The following GRID1 variants were observed in gnomAD, a reference collection of about 807,000 sequenced individuals.
GRID1 encodes the protein glutamate receptor ionotropic, delta-1.
Under a neutral mutation model 98.0 loss-of-function variants are expected in GRID1, and 28 were observed. The ratio of observed to expected loss-of-function variants is 0.29; its 90% CI spans 0.21 to 0.39. GRID1 has a LOEUF of 0.39. Among genes scored for constraint, GRID1 ranks in the 10% least tolerant of loss-of-function variants. The probability of loss-of-function intolerance (pLI) is 1.00; values close to 1 mark genes in which losing one functional copy is unlikely to be tolerated. For synonymous variants in GRID1, 553 were observed against 538.5 expected (o/e 1.03, Z -0.37); for missense variants, 1,111 against 1,340.5 (o/e 0.83, Z 2.67).
At chr10:86,252,408 A>G (rs2132049898) in intron 2 of GRID1, among the ~76,000 whole-genome samples, 1 of 152,370 alleles carries the variant, frequency 6.6e-6, no homozygotes, top group East Asian at 1.9e-4. Context: ...CCACTGCAGC[A>G]AGCCTAGTAC....
chr10:85,638,120 A>G (rs1843072107), intron 13 of GRID1, among the ~76,000 whole-genome samples: 1 of 96,004 alleles, frequency 1.0e-5, no homozygotes, highest in African/African-American at 8.2e-5. Context: ...TAACCAAAGT[A>G]AAATAAGAAG....
intron 2 of GRID1, among the ~76,000 whole-genome samples, chr10:86,322,921 G>T (rs1418957630): frequency 6.7e-6 from 1 of 148,646 alleles, no homozygotes; most frequent in Non-Finnish European, 1.5e-5. Context: ...GTGAAACCCC[G>T]TCTCTACTAA....
chr10:86,250,605 G>A (rs578013276), intron 2 of GRID1, among the ~76,000 whole-genome samples: 236 of 137,470 alleles, frequency 1.7e-3, no homozygotes, highest in African/African-American at 5.0e-3. Flanking sequence ...GGAGGTGGGG[G>A]GCAGCCCCCG....
At chr10:85,756,657 A>C (rs1408737482) in intron 8 of GRID1, among the ~76,000 whole-genome samples, 1 of 152,178 alleles carries the variant, frequency 6.6e-6, no homozygotes, top group African/African-American at 2.4e-5. Context: ...AAACTTACAA[A>C]TTGTTTATTT....
At chr10:86,232,479 T>G (rs1016418514) in intron 2 of GRID1, among the ~76,000 whole-genome samples, 2 of 152,194 alleles carry the variant, frequency 1.3e-5, no homozygotes, top group African/African-American at 2.4e-5. Context: ...ACAGCCCAGC[T>G]GCCTCTCCTG....
At chr10:85,710,064 T>C (rs1841565662) in intron 12 of GRID1, among the ~76,000 whole-genome samples, 1 of 152,198 alleles carries the variant, frequency 6.6e-6, no homozygotes, top group Non-Finnish European at 1.5e-5. Context: ...CAGAATGATC[T>C]ACTAATTCAA....
In GRID1 at chr10:85,734,639, T is replaced by A. The variant is rs77872472; in HGVS notation, c.1234-5025A>T. 5.4e-3 allele frequency among the ~76,000 whole-genome samples: 818 copies of A among 152,296 alleles called. 13 individuals carry two copies. The South Asian group carries it at 0.056, about 10-fold the overall frequency. ...TTCAACTATGTTCCAGGATTCAGGA[T>A]CCTTCATATTGGGTAGGAAACTTTA... On this transcript the variant is annotated intron_variant, in intron 8 of 15. Transcript: ENST00000327946.
chr10:86,101,891 C>T (rs1414847719), intron 4 of GRID1, among the ~76,000 whole-genome samples: 1 of 152,124 alleles, frequency 6.6e-6, no homozygotes, highest in Non-Finnish European at 1.5e-5. Context: ...CTTTTTAATG[C>T]TGAATAATAT....
intron 8 of GRID1, among the ~76,000 whole-genome samples, chr10:85,764,631 A>C (rs766282948): frequency 4.5e-4 from 69 of 152,160 alleles, no homozygotes; most frequent in Non-Finnish European, 9.0e-4. Flanking sequence ...TCACAAACAC[A>C]TGTGGGCTTT....
intron 9 of GRID1, 56 bp downstream of exon 9, chr10:85,729,457 C>G: frequency 1.0e-6 from 1 of 992,280 alleles, no homozygotes; most frequent in South Asian, 1.4e-5. Context: ...AAAGCAGCCT[C>G]TGATTCAACA....
intron 2 of GRID1, among the ~76,000 whole-genome samples, chr10:86,228,271 T>G (rs67165915): frequency 1.0e-5 from 1 of 95,346 alleles, no homozygotes; most frequent in Non-Finnish European, 2.0e-5. Context: ...GAGGATGGTG[T>G]GGTGAGGAGT....
At chr10:86,210,461 C>G (rs553691845) in intron 2 of GRID1, among the ~76,000 whole-genome samples, 1 of 152,226 alleles carries the variant, frequency 6.6e-6, no homozygotes, top group African/African-American at 2.4e-5. Flanking sequence ...ACGCTGATAG[C>G]AAGTGCCAAT....
At chr10:85,794,614 T>C (rs1296043976) in intron 8 of GRID1, among the ~76,000 whole-genome samples, 2 of 152,164 alleles carry the variant, frequency 1.3e-5, no homozygotes, top group Non-Finnish European at 2.9e-5. Context: ...CTACTAAAAG[T>C]GTTGTTTCTC....
intron 8 of GRID1, among the ~76,000 whole-genome samples, chr10:85,750,868 A>G (rs1208256840): frequency 6.6e-6 from 1 of 152,204 alleles, no homozygotes; most frequent in East Asian, 1.9e-4. Context: ...ATTATATGAG[A>G]ATTGTAAAGT....
At chr10:85,897,137 T>C (rs1163866890) in intron 5 of GRID1, among the ~76,000 whole-genome samples, 3 of 152,182 alleles carry the variant, frequency 2.0e-5, no homozygotes, top group Non-Finnish European at 4.4e-5. Context: ...TATTGGTATA[T>C]TAATTTGTAT....
intron 5 of GRID1, among the ~76,000 whole-genome samples, chr10:85,897,375 G>A (rs986802656): frequency 3.9e-5 from 6 of 152,194 alleles, no homozygotes; most frequent in Non-Finnish European, 7.3e-5. Context: ...TCTGTGGCTT[G>A]GAGAATGGGG....
At chr10:85,712,939 T>A (rs924942715) in intron 12 of GRID1, among the ~76,000 whole-genome samples, 2 of 151,776 alleles carry the variant, frequency 1.3e-5, no homozygotes, top group African/African-American at 2.4e-5. Context: ...AGAAGGAAGT[T>A]AATGTTGATT....
chr10:85,663,883 C>A (rs57837172), intron 12 of GRID1, among the ~76,000 whole-genome samples: 2,386 of 152,266 alleles, frequency 0.016, 62 homozygotes, highest in African/African-American at 0.053. Flanking sequence ...TGTTACTCCA[C>A]CAATGCCCAG....
chr10:86,174,720 G>A (rs1431059173), intron 3 of GRID1, among the ~76,000 whole-genome samples: 2 of 149,446 alleles, frequency 1.3e-5, no homozygotes, highest in Non-Finnish European at 3.0e-5. Flanking sequence ...CAGAATGGGA[G>A]AAAATTTTCG....
Sources: allele counts gnomAD v4.1 joint callset (sites outside exome capture counted in the v4.1 genomes callset), GRCh38; gene constraint gnomAD v4.1.1; transcripts MANE v1.5; gene names NCBI Gene and HGNC (gene_info 2026-07-23, HGNC 2026-07-21).